The following XKR9 variants were observed in gnomAD, a reference collection of about 807,000 sequenced individuals.
The protein encoded by XKR9 is XK related 9, also known as XK-related protein 9.
In XKR9, 32 loss-of-function variants were observed where a neutral mutation model predicts 32.0. That is an observed-to-expected ratio of 1.00 (90% CI 0.76 to 1.34). XKR9 has a LOEUF of 1.34. Ranked by LOEUF, XKR9 falls within the 40% of genes most tolerant of loss-of-function variation. The probability of loss-of-function intolerance (pLI) is 0.00; values close to 1 mark genes in which losing one functional copy is unlikely to be tolerated. For missense variants in XKR9, 546 were observed against 429.7 expected, an observed-to-expected ratio of 1.27 and a Z score of -2.39; for synonymous variants, 168 against 143.4, an observed-to-expected ratio of 1.17 and a Z score of -1.22.
At chr8:71,012,360 T>C in the XKR9 span, among the ~76,000 whole-genome samples, 15 of 152,318 alleles carry the variant, frequency 9.8e-5, 1 homozygote, top group South Asian at 3.1e-3. Context: ...CACCTGCTAC[T>C]ACAGGTTCCC....
the XKR9 span, among the ~76,000 whole-genome samples, chr8:70,866,980 G>A: frequency 3.3e-5 from 5 of 152,136 alleles, no homozygotes; most frequent in Admixed American, 3.3e-4. Flanking sequence ...TTCCTAGGTT[G>A]GCAAGCAGGT....
chr8:70,748,361 A>C (rs1807087233), intron 2 of XKR9, among the ~76,000 whole-genome samples: 1 of 152,182 alleles, frequency 6.6e-6, no homozygotes, highest in Non-Finnish European at 1.5e-5. Flanking sequence ...ACAGGCTTGG[A>C]AGTGTCTGCT....
the XKR9 span, among the ~76,000 whole-genome samples, chr8:70,890,907 C>T: frequency 1.3e-5 from 2 of 151,788 alleles, no homozygotes; most frequent in Non-Finnish European, 3.0e-5. Context: ...AATTCTGCAG[C>T]AGATCAATTA....
intron 4 of XKR9, among the ~76,000 whole-genome samples, chr8:70,728,301 G>A (rs969096820): frequency 4.6e-5 from 7 of 152,138 alleles, no homozygotes; most frequent in African/African-American, 1.7e-4. Context: ...TGGAAAAAGG[G>A]CGAAGACTTC....
chr8:70,888,172 T>C, the XKR9 span, among the ~76,000 whole-genome samples: 24 of 152,154 alleles, frequency 1.6e-4, no homozygotes, highest in African/African-American at 5.5e-4. Context: ...GCTGTACTTT[T>C]GAATCTGTTA....
chr8:70,815,053 G>A, the XKR9 span, among the ~76,000 whole-genome samples: 1 of 151,890 alleles, frequency 6.6e-6, no homozygotes, highest in Admixed American at 6.6e-5. Flanking sequence ...ATCTCTATAA[G>A]GACAAGTGTA....
the XKR9 span, among the ~76,000 whole-genome samples, chr8:70,844,836 T>C: frequency 6.6e-6 from 1 of 152,162 alleles, no homozygotes; most frequent in Admixed American, 6.5e-5. Flanking sequence ...TGCATGCCAC[T>C]TCAAAGCCCA....
the XKR9 span, among the ~76,000 whole-genome samples, chr8:70,973,394 A>C: frequency 6.6e-6 from 1 of 152,024 alleles, no homozygotes; most frequent in Non-Finnish European, 1.5e-5. Context: ...AATTTTATTT[A>C]TCTTTTCAAA....
the XKR9 span, among the ~76,000 whole-genome samples, chr8:70,921,965 G>A: frequency 6.6e-6 from 1 of 152,144 alleles, no homozygotes; most frequent in Non-Finnish European, 1.5e-5. Context: ...ATGATATCTG[G>A]AAAATGAAGT....
chr8:70,922,833 T>C, the XKR9 span, among the ~76,000 whole-genome samples: 1 of 152,138 alleles, frequency 6.6e-6, no homozygotes, highest in African/African-American at 2.4e-5. Flanking sequence ...TCAATTTAAG[T>C]CTCTCATGAT....
At chr8:71,008,762 C>G in the XKR9 span, among the ~76,000 whole-genome samples, 86,322 of 151,842 alleles carry the variant, frequency 0.57, 25,623 homozygotes, top group African/African-American at 0.64. Flanking sequence ...GAGTACCTGG[C>G]ACTACACCAA....
intron 3 of XKR9, among the ~76,000 whole-genome samples, chr8:70,686,896 G>T (rs1380157147): frequency 6.6e-6 from 1 of 151,944 alleles, no homozygotes; most frequent in Non-Finnish European, 1.5e-5. Flanking sequence ...TATAATGTAT[G>T]ATAATCACAT....
chr8:70,896,569 A>C, the XKR9 span, among the ~76,000 whole-genome samples: 1 of 151,188 alleles, frequency 6.6e-6, no homozygotes, highest in Non-Finnish European at 1.5e-5. Context: ...TTTCTTGGTC[A>C]GTCTGTCTAC....
chr8:71,047,194 G>A, the XKR9 span, among the ~76,000 whole-genome samples: 1 of 152,106 alleles, frequency 6.6e-6, no homozygotes, highest in Admixed American at 6.6e-5. Flanking sequence ...AAGAAGATTG[G>A]GTAAGAATAG....
the XKR9 span, among the ~76,000 whole-genome samples, chr8:70,986,220 G>T: frequency 6.6e-6 from 1 of 152,102 alleles, no homozygotes; most frequent in Admixed American, 6.6e-5. Context: ...TTAAACTTCG[G>T]CAAGCCACGT....
the XKR9 span, among the ~76,000 whole-genome samples, chr8:70,999,959 CT>C: frequency 9.9e-5 from 15 of 152,050 alleles, no homozygotes; most frequent in African/African-American, 3.6e-4. Context: ...AAATAGATAT[CT>C]TTTAAAATGA....
chr8:70,673,512 A>G (rs1019997269), intron 1 of XKR9, among the ~76,000 whole-genome samples: 2 of 152,208 alleles, frequency 1.3e-5, no homozygotes, highest in African/African-American at 4.8e-5. Flanking sequence ...ACAGTTAGAT[A>G]TATTTTTTGG....
At chr8:70,695,323 C>A (rs1805226882) in intron 3 of XKR9, among the ~76,000 whole-genome samples, 1 of 84,272 alleles carries the variant, frequency 1.2e-5, no homozygotes, top group Admixed American at 1.1e-4. Context: ...GCTATCCCTC[C>A]CCCCTCCCGC....
the XKR9 span, among the ~76,000 whole-genome samples, chr8:70,876,673 T>C: frequency 6.6e-6 from 1 of 152,092 alleles, no homozygotes; most frequent in African/African-American, 2.4e-5. Context: ...TTTAGTAAAA[T>C]GACATTTAGT....
Sources: allele counts gnomAD v4.1 joint callset (sites outside exome capture counted in the v4.1 genomes callset), GRCh38; gene constraint gnomAD v4.1.1; transcripts MANE v1.5; gene names NCBI Gene and HGNC (gene_info 2026-07-23, HGNC 2026-07-21).